The following PRKAG2 variants were observed in gnomAD, a reference collection of about 807,000 sequenced individuals.
PRKAG2 encodes 5'-AMP-activated protein kinase subunit gamma-2.
A neutral mutation model predicts 69.6 loss-of-function variants in PRKAG2; 26 were observed. That is an observed-to-expected ratio of 0.37 (90% CI 0.27 to 0.52). The LOEUF (loss-of-function observed/expected upper bound fraction) is 0.52, where lower values mean the gene tolerates loss of function less well. Among genes scored for constraint, PRKAG2 ranks in the 20% least tolerant of loss-of-function variants. The pLI, the probability that PRKAG2 is intolerant of heterozygous loss-of-function variation, is 0.90. For missense variants in PRKAG2, 557 were observed against 740.0 expected (o/e 0.75, Z 2.87); for synonymous variants, 293 against 285.0 (o/e 1.03, Z -0.28).
chr7:151,704,019 G>A (rs904739380), intron 3 of PRKAG2, among the ~76,000 whole-genome samples: 2 of 151,682 alleles, frequency 1.3e-5, no homozygotes, highest in East Asian at 3.9e-4. Flanking sequence ...CCGAGATTGC[G>A]CCATTGCACT....
intron 1 of PRKAG2, among the ~76,000 whole-genome samples, chr7:151,833,531 T>C (rs1001499103): frequency 5.1e-4 from 77 of 152,222 alleles, no homozygotes; most frequent in African/African-American, 1.8e-3. Flanking sequence ...CGCTCTGCTA[T>C]AGAGAGGAGA....
Position 151,638,585 on chromosome 7 carries a change from G to C in PRKAG2, c.685-6447C>G, listed in dbSNP as rs971289125. 6.6e-6 allele frequency among the ~76,000 whole-genome samples: 1 copy of C among 151,990 alleles called. No individual in the cohort carries two copies. Among genetic ancestry groups the C allele is most frequent in the Admixed American group, 6.5e-5 (1 of 15,270 alleles). On this transcript the variant is annotated intron_variant, in intron 4 of 15. Transcript: ENST00000287878. This position sits in a 1 kb window ranked among gnomAD's most constrained non-coding sequence, Gnocchi z 4.3. ...GGAGGCGGAACTTGGAGTGAGCCAA[G>C]ATTGCACCACTGCACTCCAGCTTGG...
chr7:151,682,094 C>A (rs867161546), intron 3 of PRKAG2, among the ~76,000 whole-genome samples: 1 of 152,182 alleles, frequency 6.6e-6, no homozygotes, highest in Non-Finnish European at 1.5e-5. Context: ...GACTTCTACT[C>A]AGGTTTATGC....
Position 151,844,039 on chromosome 7 carries a change from G to A in PRKAG2, c.114+32468C>T, listed in dbSNP as rs145430469. Among the ~76,000 whole-genome samples the A allele has an allele frequency of 3.1e-3, 466 of 152,332 alleles. 5 individuals carry two copies. The highest frequency in any genetic ancestry group is 0.011 in the African/African-American group (444 of 41,568). On this transcript the variant is annotated intron_variant, in intron 1 of 15. Transcript: ENST00000287878. ...TGGCCAGGGTTTGGAGATGTAGAAG[G>A]AGGTAGAAGGAGGAGATAGAAGGAG...
chr7:151,656,542 C>A (rs113324112), intron 4 of PRKAG2, among the ~76,000 whole-genome samples: 10 of 152,252 alleles, frequency 6.6e-5, no homozygotes, highest in African/African-American at 2.4e-4. Flanking sequence ...GGCAACAGAG[C>A]AAGACTGCAT....
At chr7:151,722,045 G>T (rs1797199567) in intron 3 of PRKAG2, among the ~76,000 whole-genome samples, 1 of 152,124 alleles carries the variant, frequency 6.6e-6, no homozygotes, top group Admixed American at 6.5e-5. Context: ...GGGTGAGCTG[G>T]CTATTGTTTC....
chr7:151,579,836 G>C (rs1025094723), intron 6 of PRKAG2, among the ~76,000 whole-genome samples: 34 of 152,232 alleles, frequency 2.2e-4, no homozygotes, highest in African/African-American at 7.5e-4. Flanking sequence ...GCTTTCAAAA[G>C]GGTAACAAGC....
chr7:151,729,990 A>C (rs899016247), intron 3 of PRKAG2, among the ~76,000 whole-genome samples: 1 of 152,168 alleles, frequency 6.6e-6, no homozygotes, highest in Non-Finnish European at 1.5e-5. Flanking sequence ...CATTCGTAGA[A>C]AGTAGAATGG....
At chr7:151,800,315 G>A (rs958490908) in intron 1 of PRKAG2, among the ~76,000 whole-genome samples, 5 of 146,312 alleles carry the variant, frequency 3.4e-5, no homozygotes, top group African/African-American at 5.1e-5. Flanking sequence ...CTGAGATCAC[G>A]CCACTGCACT....
intron 1 of PRKAG2, among the ~76,000 whole-genome samples, chr7:151,848,510 G>GCCTTT (rs2079490430): frequency 1.2e-5 from 1 of 83,992 alleles, no homozygotes; most frequent in Non-Finnish European, 2.3e-5. Context: ...AATACTGCAT[G>GCCTTT]TCTTTTTTTT....
chr7:151,618,048 G>T (rs1408435632), intron 5 of PRKAG2, among the ~76,000 whole-genome samples: 1 of 152,166 alleles, frequency 6.6e-6, no homozygotes, highest in Non-Finnish European at 1.5e-5. Flanking sequence ...TTGGCTGGGT[G>T]CGGTGGCTCA....
intron 3 of PRKAG2, among the ~76,000 whole-genome samples, chr7:151,774,892 T>C (rs1171370794): frequency 6.6e-6 from 1 of 152,238 alleles, no homozygotes; most frequent in Non-Finnish European, 1.5e-5. Flanking sequence ...GTCAACACTT[T>C]AGATTCTATG....
intron 1 of PRKAG2, among the ~76,000 whole-genome samples, chr7:151,795,846 C>CATAT (rs55657994): frequency 0.017 from 984 of 56,540 alleles, 20 homozygotes; most frequent in Non-Finnish European, 0.025. Flanking sequence ...AAACAAATCT[C>CATAT]ATATATATAT....
At chr7:151,700,232 G>A (rs1015685284) in intron 3 of PRKAG2, among the ~76,000 whole-genome samples, 6 of 152,178 alleles carry the variant, frequency 3.9e-5, no homozygotes, top group Non-Finnish European at 7.3e-5. Context: ...ATTATACGCC[G>A]GGCTGTGTTC....
intron 1 of PRKAG2, among the ~76,000 whole-genome samples, chr7:151,789,646 G>A (rs2077179659): frequency 6.6e-6 from 1 of 152,252 alleles, no homozygotes; most frequent in Non-Finnish European, 1.5e-5. Context: ...GATCTCAGAT[G>A]TGCAGATTCC....
At chr7:151,602,041 A>G (rs140082424) in intron 5 of PRKAG2, among the ~76,000 whole-genome samples, 13 of 152,348 alleles carry the variant, frequency 8.5e-5, no homozygotes, top group African/African-American at 3.1e-4. Context: ...AAAGGCCTGA[A>G]ACAGCAAGCT....
chr7:151,686,251 G>A lies in PRKAG2; in HGVS notation c.467-10614C>T, dbSNP rs141652910. Among the ~76,000 whole-genome samples, 432 of 152,308 alleles carry A rather than the reference G, an allele frequency of 2.8e-3. 3 individuals are homozygous for A. Among genetic ancestry groups the A allele is most frequent in the African/African-American group, 0.01 (416 of 41,572 alleles). On this transcript the variant is annotated intron_variant, in intron 3 of 15. Coordinates refer to ENST00000287878, the MANE Select transcript of PRKAG2 (RefSeq NM_016203.4). ...AGCTGTGTGACGTTCCCCAGGTGAC[G>A]CGGGTGGTTGGACATGTTTTGGAAC...
At chr7:151,875,307 AG>A (rs2080359798) in intron 1 of PRKAG2, among the ~76,000 whole-genome samples, 1 of 152,072 alleles carries the variant, frequency 6.6e-6, no homozygotes, top group African/African-American at 2.4e-5. Context: ...TCTTCACCCA[AG>A]CGTTAGGCAC....
intron 3 of PRKAG2, among the ~76,000 whole-genome samples, chr7:151,772,425 G>A (rs746674429): frequency 1.1e-4 from 16 of 152,074 alleles, no homozygotes; most frequent in Non-Finnish European, 1.8e-4. Context: ...CTGGACCCCC[G>A]TTATGCATTT....
Sources: gnomAD v4.1 joint callset for allele counts (sites outside exome capture counted in the v4.1 genomes callset) on GRCh38, gnomAD v4.1.1 for gene constraint, Gnocchi (gnomAD v3.1) non-coding constraint, MANE v1.5 for transcripts, NCBI Gene and HGNC (gene_info 2026-07-23, HGNC 2026-07-21) for gene names.